The following SRGAP1 variants were observed in gnomAD, a reference collection of about 807,000 sequenced individuals.
SRGAP1 encodes the protein SLIT-ROBO Rho GTPase-activating protein 1.
A neutral mutation model predicts 121.9 loss-of-function variants in SRGAP1; 43 were observed. The observed-to-expected ratio is 0.35, with a 90% CI of 0.28 to 0.46. SRGAP1 has a LOEUF of 0.46. SRGAP1 is among the 20% of genes least tolerant of loss of function. The pLI, the probability that SRGAP1 is intolerant of heterozygous loss-of-function variation, is 1.00. For synonymous variants in SRGAP1, 447 were observed against 485.4 expected, an observed-to-expected ratio of 0.92 and a Z score of 1.04; for missense variants, 1,102 against 1,350.9, an observed-to-expected ratio of 0.82 and a Z score of 2.89.
chr12:63,848,308 G>T (rs749065306), intron 1 of SRGAP1, among the ~76,000 whole-genome samples: 1 of 151,996 alleles, frequency 6.6e-6, no homozygotes, highest in Non-Finnish European at 1.5e-5. Flanking sequence ...CACTGCACCC[G>T]GCCCAGATAT....
chr12:63,932,387 G>A (rs80282909), intron 1 of SRGAP1, among the ~76,000 whole-genome samples: 3 of 152,256 alleles, frequency 2.0e-5, no homozygotes, highest in South Asian at 2.1e-4. Context: ...TCTTTAGATC[G>A]TCTAAACTTA....
At chr12:63,970,891 T>C (rs934683277) in intron 1 of SRGAP1, among the ~76,000 whole-genome samples, 2 of 152,258 alleles carry the variant, frequency 1.3e-5, no homozygotes, top group Non-Finnish European at 2.9e-5. Context: ...ACTTGTTAAC[T>C]AAGTTGAAGC....
chr12:63,883,269 T>C (rs1037604409), intron 1 of SRGAP1, among the ~76,000 whole-genome samples: 13 of 152,218 alleles, frequency 8.5e-5, no homozygotes, highest in African/African-American at 3.1e-4. Context: ...TTTCAGTTGG[T>C]CCTGCCCTTT....
intron 1 of SRGAP1, among the ~76,000 whole-genome samples, chr12:63,892,043 AT>A (rs1900604050): frequency 6.6e-6 from 1 of 152,026 alleles, no homozygotes; most frequent in African/African-American, 2.4e-5. Context: ...TAGAAAAAAT[AT>A]TCATTCCAGA....
chr12:63,866,872 CTTT>C (rs796830805), intron 1 of SRGAP1, among the ~76,000 whole-genome samples: 3 of 141,138 alleles, frequency 2.1e-5, no homozygotes, highest in Non-Finnish European at 1.6e-5. Context: ...CATAACATTT[CTTT>C]TTTTTTTTTT....
chr12:64,072,088 G>A (rs1479436169), intron 8 of SRGAP1, among the ~76,000 whole-genome samples: 3 of 123,540 alleles, frequency 2.4e-5, no homozygotes, highest in African/African-American at 9.1e-5. Context: ...AATTAATTAC[G>A]GAGTTGACCC....
intron 1 of SRGAP1, 60 bp from the exon 2 acceptor site, chr12:63,983,887 A>G (rs1593004675): frequency 3.2e-6 from 2 of 622,482 alleles, no homozygotes; most frequent in Non-Finnish European, 2.4e-6. Context: ...TATCTTGCAC[A>G]TACCAGCATA....
At chr12:63,913,140 C>T (rs1050655444) in intron 1 of SRGAP1, among the ~76,000 whole-genome samples, 12 of 150,612 alleles carry the variant, frequency 8.0e-5, no homozygotes, top group Admixed American at 6.0e-4. Context: ...TTCCTCCTAC[C>T]TGGAATGCTG....
intron 6 of SRGAP1, among the ~76,000 whole-genome samples, chr12:64,054,948 T>C (rs2035312201): frequency 7.3e-6 from 1 of 137,732 alleles, no homozygotes; most frequent in Non-Finnish European, 1.5e-5. Context: ...CCATGTGAGC[T>C]CATTGTTCAA....
At chr12:63,914,476 T>G (rs762968993) in intron 1 of SRGAP1, among the ~76,000 whole-genome samples, 47 of 152,246 alleles carry the variant, frequency 3.1e-4, no homozygotes, top group Non-Finnish European at 3.1e-4. Context: ...CTATATCTAC[T>G]ACTACAATTT....
chr12:63,994,138 A>C (rs1359787195), intron 3 of SRGAP1, among the ~76,000 whole-genome samples: 2 of 152,192 alleles, frequency 1.3e-5, no homozygotes, highest in Non-Finnish European at 2.9e-5. Flanking sequence ...TAGAGGATTC[A>C]TGAGTTATAT....
chr12:63,854,214 A>AAAGCTTAGT (rs1899165354), intron 1 of SRGAP1, among the ~76,000 whole-genome samples: 1 of 152,108 alleles, frequency 6.6e-6, no homozygotes, highest in Non-Finnish European at 1.5e-5. Context: ...TAGTATTAAT[A>AAAGCTTAGT]ATTCCTTTGT....
At chr12:64,038,636 G>A (rs927405011) in intron 4 of SRGAP1, 3 of 152,110 alleles carry the variant, frequency 2.0e-5, no homozygotes, top group Admixed American at 1.3e-4. Context: ...ATATGGCCAT[G>A]TCAGTAAGAA....
rs1380123347 is a variant in SRGAP1, at chr12:64,159,409, G to A, written c.*16737G>A. The A allele has an allele frequency of 6.5e-6, 1 of 153,624 alleles. No individual in the cohort carries two copies. Among genetic ancestry groups the A allele is most frequent in the East Asian group, 1.9e-4 (1 of 5,256 alleles). The allele number at this position is 153,624 out of a possible 1,614,324, so 9.5% of individuals were successfully genotyped here. On this transcript the variant is annotated 3_prime_UTR_variant, in exon 22 of 22. Coordinates refer to ENST00000355086, the MANE Select transcript of SRGAP1 (RefSeq NM_020762.4). ...TAACCCAGGAAGCGGAGGTTGCAGT[G>A]AGCCAAGATTGCACCATTGCACTCC...
intron 8 of SRGAP1, among the ~76,000 whole-genome samples, chr12:64,074,485 A>G (rs2035698563): frequency 6.6e-6 from 1 of 152,120 alleles, no homozygotes; most frequent in Non-Finnish European, 1.5e-5. Flanking sequence ...ATGCACTCCT[A>G]CTTCTCATAT....
In SRGAP1 at chr12:64,154,860, G is replaced by T; in HGVS notation, c.*12188G>T. ...GGGAAGCCCAGCTTGGGAGAGCTTG[G>T]GTGGAGTGAGGAGCTGGCAGAGGAG... On this transcript the variant is annotated 3_prime_UTR_variant, in exon 22 of 22. Transcript: ENST00000355086. 1 of 152,788 alleles carries T rather than the reference G, an allele frequency of 6.5e-6. No homozygotes were observed. The highest frequency in any genetic ancestry group is 1.5e-5 in the Non-Finnish European group (1 of 68,470). 9.5% of individuals were successfully genotyped at this position (152,788 alleles called of 1,614,324 possible).
At position 64,091,983 on chromosome 12, in the gene SRGAP1, C is replaced by T. The variant is rs2036061659; in HGVS notation, c.1539+605C>T. On this transcript the variant is annotated intron_variant, in intron 12 of 21. Transcript: ENST00000355086. ...TTCACTGTTGGTATCATTTTCAAGT[C>T]GTGCTCATGCTTGGCTTTAATTAGA... is the stretch of plus-strand genomic sequence containing the variant. 6 of 1,386,364 alleles carry T rather than the reference C, an allele frequency of 4.3e-6. No homozygotes were observed. The East Asian group carries it at 7.5e-5, about 17-fold the overall frequency. The allele number at this position is 1,386,364 out of a possible 1,614,324, so 85.9% of individuals were successfully genotyped here. A position where few individuals can be genotyped will look rare whatever the true frequency, so the allele number is the denominator to read the frequency against.
rs557077944 is a variant in SRGAP1, at chr12:64,006,797, G to A, written c.427-10153G>A. 3.2e-4 allele frequency among the ~76,000 whole-genome samples: 48 copies of A among 152,200 alleles called. 1 individual carries two copies. The highest frequency in any genetic ancestry group is 5.2e-4 in the Admixed American group (8 of 15,288). On this transcript the variant is annotated intron_variant, in intron 3 of 21. Coordinates refer to ENST00000355086, the MANE Select transcript of SRGAP1 (RefSeq NM_020762.4). ...GGGGGGGAAAAAAGAATTATCATTG[G>A]TGCAGATTAATAACGAGTTGAATGG... is the stretch of plus-strand genomic sequence containing the variant.
At chr12:64,141,647 G>T (rs1261754001) in intron 21 of SRGAP1, among the ~76,000 whole-genome samples, 1 of 151,804 alleles carries the variant, frequency 6.6e-6, no homozygotes, top group African/African-American at 2.4e-5. Context: ...AGTTGAAATA[G>T]AATTCTATAT....
Sources: gnomAD v4.1 joint callset for allele counts (sites outside exome capture counted in the v4.1 genomes callset) on GRCh38, gnomAD v4.1.1 for gene constraint, MANE v1.5 for transcripts, NCBI Gene and HGNC (gene_info 2026-07-23, HGNC 2026-07-21) for gene names.